Variants in SLC35F4 observed in about 807,000 individuals in gnomAD.
The protein encoded by SLC35F4 is chromosome 14 open reading frame 36.
In SLC35F4, 24 loss-of-function variants were observed where a neutral mutation model predicts 44.2. The ratio of observed to expected loss-of-function variants is 0.54; its 90% CI spans 0.39 to 0.76. SLC35F4 has a LOEUF of 0.76. Ranked by LOEUF, SLC35F4 falls within the 30% of genes least tolerant of loss-of-function variation. SLC35F4 has a pLI of 0.00. For missense variants in SLC35F4, 562 were observed against 586.1 expected, an observed-to-expected ratio of 0.96 and a Z score of 0.42; for synonymous variants, 238 against 223.6, an observed-to-expected ratio of 1.06 and a Z score of -0.57.
intron 1 of SLC35F4, among the ~76,000 whole-genome samples, chr14:57,762,876 G>C (rs553281189): frequency 2.6e-4 from 40 of 152,044 alleles, no homozygotes; most frequent in African/African-American, 9.4e-4. Flanking sequence ...TTCTCTTACA[G>C]CAGCAAAAAA....
At chr14:57,892,429 G>A (rs578219990) in intron 1 of SLC35F4, among the ~76,000 whole-genome samples, 79 of 152,304 alleles carry the variant, frequency 5.2e-4, no homozygotes, top group African/African-American at 1.6e-3. Context: ...GAATCAGCCT[G>A]CTGAGGGTGT....
At chr14:57,783,637 G>C (rs953027641) in intron 1 of SLC35F4, among the ~76,000 whole-genome samples, 2 of 152,106 alleles carry the variant, frequency 1.3e-5, no homozygotes, top group Non-Finnish European at 1.5e-5. Flanking sequence ...CATTTTTCTG[G>C]GTTGCTCCAT....
chr14:57,720,543 T>C (rs559181497), intron 1 of SLC35F4, among the ~76,000 whole-genome samples: 4 of 152,304 alleles, frequency 2.6e-5, no homozygotes, highest in African/African-American at 9.6e-5. Context: ...GATTTCTTCC[T>C]GGGTCAATCT....
At chr14:57,954,889 A>G (rs1278392046) in intron 1 of SLC35F4, among the ~76,000 whole-genome samples, 1 of 151,550 alleles carries the variant, frequency 6.6e-6, no homozygotes, top group Non-Finnish European at 1.5e-5. Context: ...ACTATTCCAG[A>G]CAATAGAAAA....
intron 1 of SLC35F4, among the ~76,000 whole-genome samples, chr14:57,678,039 C>T (rs546826445): frequency 2.0e-5 from 3 of 152,092 alleles, no homozygotes; most frequent in Admixed American, 2.0e-4. Flanking sequence ...AAAGATACTC[C>T]TTGAGAAGAG....
chr14:57,787,661 C>A (rs1231359423), intron 1 of SLC35F4, among the ~76,000 whole-genome samples: 3 of 152,114 alleles, frequency 2.0e-5, no homozygotes, highest in South Asian at 2.1e-4. Context: ...GTAAAACTAA[C>A]CTTCATATAT....
At chr14:57,605,006 A>G (rs2071063939) in intron 1 of SLC35F4, among the ~76,000 whole-genome samples, 1 of 152,192 alleles carries the variant, frequency 6.6e-6, no homozygotes, top group Non-Finnish European at 1.5e-5. Flanking sequence ...TAAAAATCCT[A>G]GAAGAAAACC....
chr14:57,816,075 C>A (rs1882546448), intron 1 of SLC35F4, among the ~76,000 whole-genome samples: 1 of 152,146 alleles, frequency 6.6e-6, no homozygotes, highest in Non-Finnish European at 1.5e-5. Flanking sequence ...CAACATTGTT[C>A]TTTCAAGACA....
intron 1 of SLC35F4, among the ~76,000 whole-genome samples, chr14:57,830,513 G>T (rs1326276734): frequency 6.6e-6 from 1 of 152,124 alleles, no homozygotes; most frequent in Non-Finnish European, 1.5e-5. Flanking sequence ...AATCCTAAAA[G>T]ATATTTCTTA....
intron 1 of SLC35F4, among the ~76,000 whole-genome samples, chr14:57,720,601 G>A (rs1196526377): frequency 6.6e-6 from 1 of 152,030 alleles, no homozygotes; most frequent in Non-Finnish European, 1.5e-5. Context: ...TCTAGACTGT[G>A]ATGGCTAATA....
At chr14:57,898,850 C>T (rs555800262) in intron 1 of SLC35F4, among the ~76,000 whole-genome samples, 74 of 152,228 alleles carry the variant, frequency 4.9e-4, no homozygotes, top group African/African-American at 1.6e-3. Context: ...GAATATCTTT[C>T]GATATTTATG....
chr14:57,775,055 G>A (rs766876346), intron 1 of SLC35F4, among the ~76,000 whole-genome samples: 1 of 152,074 alleles, frequency 6.6e-6, no homozygotes, highest in Non-Finnish European at 1.5e-5. Context: ...GCAAAACAAG[G>A]CATGGAGAAC....
At chr14:57,886,101 T>C (rs1888638533) in intron 1 of SLC35F4, among the ~76,000 whole-genome samples, 1 of 152,254 alleles carries the variant, frequency 6.6e-6, no homozygotes, top group African/African-American at 2.4e-5. Flanking sequence ...TGCTGGGCAC[T>C]ATTCTGAACA....
At chr14:57,836,233 CACTT>C (rs1290743347) in intron 1 of SLC35F4, among the ~76,000 whole-genome samples, 1 of 152,150 alleles carries the variant, frequency 6.6e-6, no homozygotes, top group East Asian at 1.9e-4. Flanking sequence ...TCTCTGAACT[CACTT>C]ATTGTTCCAT....
At chr14:57,905,969 G>T (rs1889097033) in intron 1 of SLC35F4, among the ~76,000 whole-genome samples, 1 of 152,090 alleles carries the variant, frequency 6.6e-6, no homozygotes, top group Non-Finnish European at 1.5e-5. Context: ...GAGTTGGTAA[G>T]AAGGAGGCTT....
chr14:57,870,152 G>GTGTGTC (rs1888265574), upstream of SLC35F4, among the ~76,000 whole-genome samples: 3 of 147,800 alleles, frequency 2.0e-5, no homozygotes, highest in South Asian at 2.1e-4. Flanking sequence ...GTGTGTGTGT[G>GTGTGTC]TGTGTCTGTG....
At chr14:57,846,028 G>A (rs1365227461) in intron 1 of SLC35F4, among the ~76,000 whole-genome samples, 1 of 152,138 alleles carries the variant, frequency 6.6e-6, no homozygotes, top group East Asian at 1.9e-4. Context: ...GGCACTGAGA[G>A]GGAATTAACA....
At chr14:57,869,886 G>A (rs1888258637), upstream of SLC35F4, among the ~76,000 whole-genome samples, 1 of 152,128 alleles carries the variant, frequency 6.6e-6, no homozygotes, top group African/African-American at 2.4e-5. Context: ...TGCTGACACA[G>A]CCTTTCTGTT....
At chr14:57,964,706 G>A (rs1890401371) in intron 1 of SLC35F4, among the ~76,000 whole-genome samples, 1 of 152,044 alleles carries the variant, frequency 6.6e-6, no homozygotes, top group South Asian at 2.1e-4. Context: ...CTGCATTGGT[G>A]CATGTAAAAG....
Sources: allele counts gnomAD v4.1 joint callset (sites outside exome capture counted in the v4.1 genomes callset), GRCh38; gene constraint gnomAD v4.1.1; transcripts MANE v1.5; gene names NCBI Gene and HGNC (gene_info 2026-07-23, HGNC 2026-07-21).